Variants in COL10A1 observed in about 807,000 individuals in gnomAD.
The protein encoded by COL10A1 is collagen alpha-1(X) chain.
Under a neutral mutation model 18.2 loss-of-function variants are expected in COL10A1, and 10 were observed. The ratio of observed to expected loss-of-function variants is 0.55; its 90% CI spans 0.34 to 0.93. The LOEUF (loss-of-function observed/expected upper bound fraction) is 0.93. COL10A1 is among the 40% of genes least tolerant of loss of function. The probability of loss-of-function intolerance (pLI) is 0.02; values close to 1 mark genes in which losing one functional copy is unlikely to be tolerated. For synonymous variants in COL10A1, 330 were observed against 316.6 expected (o/e 1.04, Z -0.45); for missense variants, 897 against 853.5 (o/e 1.05, Z -0.64).
the COL10A1 span, among the ~76,000 whole-genome samples, chr6:116,199,513 CA>C: frequency 6.6e-6 from 1 of 152,074 alleles, no homozygotes; most frequent in South Asian, 2.1e-4. Flanking sequence ...CTTTAAAAAA[CA>C]AAGAAGTCAC....
chr6:116,147,959 C>T (rs1454649222), intron 1 of COL10A1, among the ~76,000 whole-genome samples: 1 of 150,890 alleles, frequency 6.6e-6, no homozygotes, highest in Non-Finnish European at 1.5e-5. Flanking sequence ...GCACTCCAGC[C>T]TGGCGACAGA....
At chr6:116,160,038 C>T (rs1460491198), upstream of COL10A1, among the ~76,000 whole-genome samples, 1 of 152,072 alleles carries the variant, frequency 6.6e-6, no homozygotes, top group African/African-American at 2.4e-5. Context: ...TAGGTCAATT[C>T]CATGACTTTG....
In COL10A1 at chr6:116,120,634, A is replaced by AGGCCCTGGT; in HGVS notation, c.1473_1481dup (p.Pro495_Pro497dup). On this transcript the variant is annotated inframe_insertion, in exon 3 of 3. Coordinates refer to ENST00000651968, the MANE Select transcript of COL10A1 (RefSeq NM_000493.4). ...CTCCAGAGTGGCCTCTTGGACCTGG[A>AGGCCCTGGT]GGCCCTGGTGGCCCGGTGGGTCCAT... 5.8e-6 allele frequency: 9 copies of AGGCCCTGGT among 1,553,304 alleles called. No homozygotes were observed. The highest frequency in any genetic ancestry group is 7.8e-6 in the Non-Finnish European group (9 of 1,157,450).
At chr6:116,123,586 G>A (rs576552437) in intron 2 of COL10A1, among the ~76,000 whole-genome samples, 1 of 152,350 alleles carries the variant, frequency 6.6e-6, no homozygotes, top group East Asian at 1.9e-4. Context: ...ACCTGTGTTG[G>A]ATGGATATGC....
chr6:116,215,787 G>A, the COL10A1 span, among the ~76,000 whole-genome samples: 4 of 152,112 alleles, frequency 2.6e-5, no homozygotes, highest in Non-Finnish European at 1.5e-5. Context: ...GGCGTGGTGG[G>A]ATTGTGGGTA....
chr6:116,146,574 T>C (rs1779902661), intron 1 of COL10A1, among the ~76,000 whole-genome samples: 1 of 152,216 alleles, frequency 6.6e-6, no homozygotes, highest in African/African-American at 2.4e-5. Context: ...AAATAAATTA[T>C]TGTTAAATGA....
chr6:116,151,157 G>A (rs1780028059), intron 1 of COL10A1, among the ~76,000 whole-genome samples: 1 of 151,918 alleles, frequency 6.6e-6, no homozygotes, highest in Non-Finnish European at 1.5e-5. Flanking sequence ...TTGCTTCCGG[G>A]CAGCTATCTA....
the COL10A1 span, among the ~76,000 whole-genome samples, chr6:116,204,852 T>C: frequency 6.6e-6 from 1 of 152,028 alleles, no homozygotes; most frequent in African/African-American, 2.4e-5. Flanking sequence ...TCAGTAATTA[T>C]TTGTTATAAT....
chr6:116,146,554 A>G (rs1445670782), intron 1 of COL10A1, among the ~76,000 whole-genome samples: 1 of 152,246 alleles, frequency 6.6e-6, no homozygotes, highest in Non-Finnish European at 1.5e-5. Flanking sequence ...GCCAGGGGGA[A>G]GAGAAGGTTA....
chr6:116,199,998 GT>G, the COL10A1 span, among the ~76,000 whole-genome samples: 30,372 of 113,346 alleles, frequency 0.27, 3,961 homozygotes, highest in Middle Eastern at 0.39. Context: ...AGTATGGAAA[GT>G]GGGGGGGGAA....
upstream of COL10A1, among the ~76,000 whole-genome samples, chr6:116,128,638 A>G (rs975758099): frequency 6.6e-6 from 1 of 152,178 alleles, no homozygotes; most frequent in African/African-American, 2.4e-5. Flanking sequence ...ATTAAGATAA[A>G]TACTGGGTGA....
At chr6:116,173,802 G>A in the COL10A1 span, among the ~76,000 whole-genome samples, 1 of 151,966 alleles carries the variant, frequency 6.6e-6, no homozygotes, top group Non-Finnish European at 1.5e-5. Flanking sequence ...CATTATTATG[G>A]TACCTTTGTC....
At chr6:116,125,703 ATACTCAGG>A (rs1440461199) in intron 1 of COL10A1, 196 bp from the exon 2 acceptor site, 1 of 444,494 alleles carries the variant, frequency 2.2e-6, no homozygotes, top group African/African-American at 2.0e-5. Context: ...TTTGGAAGCT[ATACTCAGG>A]TAATCAAGTG....
In COL10A1 at chr6:116,125,466, C is replaced by T; in HGVS notation, c.27G>A (p.Leu9=). The change falls in exon 2 of 3, where the codon CTG becomes CTA. Residue 9 remains leucine (L), a synonymous_variant. Transcript: ENST00000651968. The part of the protein sequence containing the change: MLPQIPFL[L]LVSLNLVHGV... ...CATGAACCAAGTTCAAGGATACTAG[C>T]AGCAAAAAGGGTATTTGTGGCAGCA... 6.2e-7 allele frequency: 1 copy of T among 1,613,664 alleles called. No homozygotes were observed. The highest frequency in any genetic ancestry group is 1.7e-4 in the Middle Eastern group (1 of 6,058).
rs1383740082 is a variant in COL10A1, at chr6:116,119,928, G to A, written c.*145C>T. On this transcript the variant is annotated 3_prime_UTR_variant, in exon 3 of 3. Coordinates refer to ENST00000651968, the MANE Select transcript of COL10A1 (RefSeq NM_000493.4). Reference sequence around the variant, plus strand: ...TTGCTGCTCACTTTTCAGGGGGAAGGTTTGTTGGTCTGATAGCTCAAATCT... The same window carrying A: ...TTGCTGCTCACTTTTCAGGGGGAAGATTTGTTGGTCTGATAGCTCAAATCT... 2 of 783,058 alleles carry A rather than the reference G, an allele frequency of 2.6e-6. No homozygotes were observed. The highest frequency in any genetic ancestry group is 2.1e-6 in the Non-Finnish European group (1 of 469,530). The allele number at this position is 783,058 out of a possible 1,614,324, so 48.5% of individuals were successfully genotyped here. A position where few individuals can be genotyped will look rare whatever the true frequency, so the allele number is the denominator to read the frequency against.
At chr6:116,209,947 A>C in the COL10A1 span, among the ~76,000 whole-genome samples, 1 of 152,064 alleles carries the variant, frequency 6.6e-6, no homozygotes. Flanking sequence ...AGATTTAGAC[A>C]CATAAATGAT....
intron 1 of COL10A1, among the ~76,000 whole-genome samples, chr6:116,142,494 AACTT>A (rs1017265422): frequency 2.0e-5 from 3 of 152,174 alleles, no homozygotes; most frequent in East Asian, 1.9e-4. Context: ...TGAATTTATA[AACTT>A]ACTTCTGATT....
the COL10A1 span, among the ~76,000 whole-genome samples, chr6:116,164,979 C>T: frequency 2.6e-5 from 4 of 151,802 alleles, no homozygotes; most frequent in East Asian, 5.8e-4. Context: ...TGCCTGTGGT[C>T]CCAGCTACTC....
Position 116,125,399 on chromosome 6 carries a change from T to C in COL10A1, c.94A>G (p.Lys32Glu). 1 of 1,613,910 alleles carries C rather than the reference T, an allele frequency of 6.2e-7. No individual in the cohort carries two copies. The highest frequency in any genetic ancestry group is 8.5e-7 in the Non-Finnish European group (1 of 1,179,880). ...GTCTTGGTGTTGGGTAGTGGGCCTT[T>C]TATGCCTGTGGGCATTTGGTATCGT... ...AERYQMPTGI[K>E]GPLPNTKTQF... Residue 32 changes from lysine (K) to glutamate (E), a missense_variant, in exon 2 of 3, where the codon AAA (lysine) becomes GAA (glutamate). Physicochemically the swap from Lys to Glu is moderately conservative, Grantham distance 56. Transcript: ENST00000651968.
Sources: allele counts gnomAD v4.1 joint callset (sites outside exome capture counted in the v4.1 genomes callset), GRCh38; gene constraint gnomAD v4.1.1; transcripts MANE v1.5; gene names NCBI Gene and HGNC (gene_info 2026-07-23, HGNC 2026-07-21).